Variants in TBX3 observed in about 807,000 individuals in gnomAD.
TBX3 encodes the protein T-box transcription factor TBX3.
A neutral mutation model predicts 47.8 loss-of-function variants in TBX3; 11 were observed. That is an observed-to-expected ratio of 0.23 (90% CI 0.14 to 0.38). The LOEUF (loss-of-function observed/expected upper bound fraction) is 0.38, where lower values mean the gene tolerates loss of function less well. Ranked by LOEUF, TBX3 falls within the 10% of genes least tolerant of loss-of-function variation. The pLI is 1.00. For synonymous variants in TBX3, 500 were observed against 449.3 expected, an observed-to-expected ratio of 1.11 and a Z score of -1.43; for missense variants, 927 against 1,022.8, an observed-to-expected ratio of 0.91 and a Z score of 1.28.
Position 114,674,434 on chromosome 12 carries a change from G to A in TBX3, c.1441C>T (p.Leu481Phe), listed in dbSNP as rs1405341560. 4 of 1,548,460 alleles carry A rather than the reference G, an allele frequency of 2.6e-6. No homozygotes were observed. The highest frequency in any genetic ancestry group is 2.0e-5 in the Admixed American group (1 of 50,946). Residue 481 changes from leucine (L) to phenylalanine (F), a missense_variant, in exon 6 of 7, where the codon CTC becomes TTC. This residue lies in a region of TBX3 where 623 missense variants were observed against 569.0 expected (regional missense o/e 1.09). Coordinates refer to ENST00000349155, the MANE Select transcript of TBX3 (RefSeq NM_005996.4). ...AHLAQGPLPGLGFAPGLAGQQ... is the reference protein window; with the variant it reads ...AHLAQGPLPGFGFAPGLAGQQ... Reference sequence around the variant, plus strand: ...CCCGCCAGGCCCGGGGCGAAGCCGAGGCCAGGCAGGGGGCCCTGGGCCAGG... The same window carrying A: ...CCCGCCAGGCCCGGGGCGAAGCCGAAGCCAGGCAGGGGGCCCTGGGCCAGG...
Position 114,674,204 on chromosome 12 carries a change from G to C in TBX3, c.1671C>G (p.Thr557=), listed in dbSNP as rs548288032. ...CGTGCTGCTGGAGGTGGAAGGGCAG[G>C]GTGGCCGCGGACGCCCCGGACAGTC... is the stretch of plus-strand genomic sequence containing the variant. ...AQGLSGASAA[T]LPFHLQQHVL... The change falls in exon 6 of 7, where the codon ACC becomes ACG. Residue 557 remains threonine (T), a synonymous_variant. Transcript: ENST00000349155. 30 of 1,582,136 alleles carry C rather than the reference G, an allele frequency of 1.9e-5. No individual in the cohort carries two copies. The African/African-American group carries it at 2.7e-4, about 14-fold the overall frequency.
rs1202684167 is a variant in TBX3, at chr12:114,671,577, G to T, written c.*264C>A. 4 of 565,588 alleles carry T rather than the reference G, an allele frequency of 7.1e-6. No homozygotes were observed. Among genetic ancestry groups the T allele is most frequent in the Non-Finnish European group, 9.5e-6 (3 of 316,316 alleles). The allele number at this position is 565,588 out of a possible 1,614,324, so 35.0% of individuals were successfully genotyped here. A position where few individuals can be genotyped will look rare whatever the true frequency, so the allele number is the denominator to read the frequency against. On this transcript the variant is annotated 3_prime_UTR_variant, in exon 7 of 7. Coordinates refer to ENST00000349155, the MANE Select transcript of TBX3 (RefSeq NM_005996.4). ...GCTGGAAGTTGCTCTGGACATAAAT[G>T]TTGGAACTCCTACCCCCAGTAGCTC...
In TBX3 at chr12:114,671,912, G is replaced by T; in HGVS notation, c.2101C>A (p.Leu701Met). The change falls in exon 7 of 7, where the codon CTG becomes ATG. Residue 701 changes from leucine (L) to methionine (M), a missense_variant. Physicochemically the swap from Leu to Met is conservative, Grantham distance 15 (BLOSUM62 2). This residue lies in a region of TBX3 where 623 missense variants were observed against 569.0 expected (regional missense o/e 1.09). Coordinates refer to ENST00000349155, the MANE Select transcript of TBX3 (RefSeq NM_005996.4). ...CAEKEAATSELQSIQRLVSGL... is the reference protein window; with the variant it reads ...CAEKEAATSEMQSIQRLVSGL... ...CTAACCAACCGCTGGATGCTCTGCA[G>T]TTCGCTGGTGGCCGCCTCTTTCTCC... 1 of 1,583,832 alleles carries T rather than the reference G, an allele frequency of 6.3e-7. No individual in the cohort carries two copies. The highest frequency in any genetic ancestry group is 1.2e-5 in the South Asian group (1 of 86,610).
rs1325116240 is a variant in TBX3, at chr12:114,683,455, CG to C, written c.-256del. ...CGAAAAATCAGCAAACATAGTCGCG[CG>C]GGTGACCGTCCTTGTGCCTTGCGTT... On this transcript the variant is annotated 5_prime_UTR_variant, in exon 1 of 7. Coordinates refer to ENST00000349155, the MANE Select transcript of TBX3 (RefSeq NM_005996.4). The surrounding 1 kb of genome is among the most constrained non-coding windows in gnomAD (Gnocchi z 7.7). The C allele has an allele frequency of 1.9e-6, 1 of 533,150 alleles. No individual in the cohort carries two copies. Among genetic ancestry groups the C allele is most frequent in the East Asian group, 3.1e-5 (1 of 32,182 alleles). 33.0% of individuals were successfully genotyped at this position (533,150 alleles called of 1,614,324 possible).
chr12:114,672,696 T>A (rs1868503761), intron 6 of TBX3, among the ~76,000 whole-genome samples: 1 of 152,084 alleles, frequency 6.6e-6, no homozygotes, highest in Non-Finnish European at 1.5e-5. Context: ...TCCTTGCACC[T>A]GTTAAATGGG....
chr12:114,674,474 G>T lies in TBX3; in HGVS notation c.1401C>A (p.Asp467Glu). The T allele has an allele frequency of 6.5e-7, 1 of 1,539,880 alleles. No individual in the cohort carries two copies. Among genetic ancestry groups the T allele is most frequent in the Non-Finnish European group, 8.7e-7 (1 of 1,143,114 alleles). The change falls in exon 6 of 7, where the codon GAC becomes GAA. Residue 467 changes from aspartate (D) to glutamate (E), a missense_variant. By Grantham distance (45) the Asp-to-Glu change is conservative. Around this residue, in one of 5 missense-constraint regions of TBX3, gnomAD observed 623 missense variants for 569.0 expected, o/e 1.09. Coordinates refer to ENST00000349155, the MANE Select transcript of TBX3 (RefSeq NM_005996.4). ...EAFAPLTVQT[D>E]AAAAHLAQGP... Reference sequence around the variant, plus strand: ...CCTGGGCCAGGTGCGCGGCGGCCGCGTCCGTCTGCACCGTGAGCGGCGCGA... The same window carrying T: ...CCTGGGCCAGGTGCGCGGCGGCCGCTTCCGTCTGCACCGTGAGCGGCGCGA...
chr12:114,683,079 A>G lies in TBX3; in HGVS notation c.122T>C (p.Phe41Ser), dbSNP rs1214536516. 6.2e-7 allele frequency: 1 copy of G among 1,611,074 alleles called. No homozygotes were observed. Among genetic ancestry groups the G allele is most frequent in the South Asian group, 1.1e-5 (1 of 91,018 alleles). ...SAVLGHQPPF[F>S]PALTLPPNGA... ...GTTGGGAGGCAGCGTCAGCGCGGGG[A>G]AGAACGGCGGCTGGTGACCCAGCAC... is the stretch of plus-strand genomic sequence containing the variant. Residue 41 changes from phenylalanine (F) to serine (S), a missense_variant, in exon 1 of 7, where the codon TTC becomes TCC. By Grantham distance (155) the Phe-to-Ser change is radical. Coordinates refer to ENST00000349155, the MANE Select transcript of TBX3 (RefSeq NM_005996.4). This position sits in a 1 kb window ranked among gnomAD's most constrained non-coding sequence, Gnocchi z 7.7.
rs1483780951 is a variant in TBX3, at chr12:114,672,135, C to T, written c.1878G>A (p.Pro626=). 3 of 1,571,892 alleles carry T rather than the reference C, an allele frequency of 1.9e-6. No homozygotes were observed. Among genetic ancestry groups the T allele is most frequent in the East Asian group, 2.3e-5 (1 of 42,558 alleles). Residue 626 remains proline, a synonymous_variant, in exon 7 of 7, where the codon CCG becomes CCA. Transcript: ENST00000349155. ...PRLRYSPYSI[P]VPVPDGSSLL... is the part of the protein sequence containing the mutation. ...GACTGCTGCCGTCCGGGACCGGCAC[C>T]GGGATGGAGTAGGGGCTGTAGCGCA...
rs369944278 is a variant in TBX3, at chr12:114,677,591, T to G, written c.870A>C (p.Arg290=). 60 of 1,614,040 alleles carry G rather than the reference T, an allele frequency of 3.7e-5. No homozygotes were observed. The highest frequency in any genetic ancestry group is 4.8e-5 in the Non-Finnish European group (57 of 1,180,016). The change falls in exon 4 of 7, where the codon CGA becomes CGC. Residue 290 remains arginine, a synonymous_variant. Coordinates refer to ENST00000349155, the MANE Select transcript of TBX3 (RefSeq NM_005996.4). ...AKGFRDTGNG[R]REKRKQLTLQ... is the part of the protein sequence containing the mutation. ...TTGTTTCAACTCACCTTTTTTCTCT[T>G]CGGCCATTTCCAGTGTCCCGGAAAC...
intron 4 of TBX3, among the ~76,000 whole-genome samples, chr12:114,676,950 T>C (rs1868736193): frequency 6.6e-6 from 1 of 152,212 alleles, no homozygotes; most frequent in African/African-American, 2.4e-5. Flanking sequence ...CACTTTACTG[T>C]AATCGTTTTA....
At chr12:114,679,038 CA>C (rs1868821483) in intron 3 of TBX3, among the ~76,000 whole-genome samples, 1 of 152,116 alleles carries the variant, frequency 6.6e-6, no homozygotes, top group Non-Finnish European at 1.5e-5. Flanking sequence ...TAATAAAAAC[CA>C]GACCAGCTAC....
chr12:114,683,249 G>C lies in TBX3; in HGVS notation c.-49C>G, dbSNP rs751207498. 6.3e-7 allele frequency: 1 copy of C among 1,598,428 alleles called. No homozygotes were observed. The highest frequency in any genetic ancestry group is 8.5e-7 in the Non-Finnish European group (1 of 1,170,476). ...TCCAGCCGGGGACAAGTCCGCAGCT[G>C]CTGTGTTTTGTTGTTTTTTTGTTGT... On this transcript the variant is annotated 5_prime_UTR_variant, in exon 1 of 7. Coordinates refer to ENST00000349155, the MANE Select transcript of TBX3 (RefSeq NM_005996.4). This position sits in a 1 kb window ranked among gnomAD's most constrained non-coding sequence, Gnocchi z 7.7.
intron 3 of TBX3, among the ~76,000 whole-genome samples, chr12:114,678,633 T>C (rs1017663852): frequency 3.3e-5 from 5 of 152,170 alleles, no homozygotes; most frequent in African/African-American, 1.2e-4. Context: ...GAGTTCAAAA[T>C]GAAGTGTGTT....
chr12:114,679,440 C>T (rs1305489851), intron 3 of TBX3, 65 bp downstream of exon 3: 2 of 1,608,496 alleles, frequency 1.2e-6, no homozygotes, highest in Non-Finnish European at 1.7e-6. Context: ...CTCATCCTGA[C>T]TTAAAGCAGC....
In TBX3 at chr12:114,674,148, G is replaced by C; in HGVS notation, c.1710+17C>G. The C allele has an allele frequency of 1.3e-6, 2 of 1,577,314 alleles. No individual in the cohort carries two copies. Among genetic ancestry groups the C allele is most frequent in the Non-Finnish European group, 1.7e-6 (2 of 1,163,134 alleles). On this transcript the variant is annotated intron_variant, in intron 6 of 6. Coordinates refer to ENST00000349155, the MANE Select transcript of TBX3 (RefSeq NM_005996.4). ...AAAGGTGGAAAGACTGGTGGAGGCA[G>C]GAAGAAGGATCCATACCTGAGAGGC...
rs766991967 is a variant in TBX3 at position 114,674,115 on chromosome 12, A to C, written c.1710+50T>G. ...GGGTCTGCTGGCAAAGGACAGGGAA[A>C]CTGGACGAAAGGTGGAAAGACTGGT... On this transcript the variant is annotated intron_variant, in intron 6 of 6. Coordinates refer to ENST00000349155, the MANE Select transcript of TBX3 (RefSeq NM_005996.4). The C allele has an allele frequency of 3.2e-6, 5 of 1,559,946 alleles. No homozygotes were observed. In the East Asian group the frequency reaches 1.2e-4, roughly 36 times the overall value.
chr12:114,683,101 G>A lies in TBX3; in HGVS notation c.100C>T (p.Leu34=), dbSNP rs148452301. The A allele has an allele frequency of 9.4e-5, 152 of 1,612,258 alleles. No homozygotes were observed. In the East Asian group the frequency reaches 3.3e-3, roughly 35 times the overall value. ...GGGAAGAACGGCGGCTGGTGACCCA[G>A]CACCGCGCTCATGGCGAAGTCCGGC... ...RAPDFAMSAV[L]GHQPPFFPAL... Residue 34 remains leucine, a synonymous_variant, in exon 1 of 7, where the codon CTG becomes TTG. Coordinates refer to ENST00000349155, the MANE Select transcript of TBX3 (RefSeq NM_005996.4). This position sits in a 1 kb window ranked among gnomAD's most constrained non-coding sequence, Gnocchi z 7.7.
intron 5 of TBX3, 94 bp from the exon 6 acceptor site, chr12:114,674,929 T>A: frequency 6.8e-7 from 1 of 1,480,794 alleles, no homozygotes; most frequent in Non-Finnish European, 9.1e-7. Context: ...TCCCAGCTCG[T>A]GGCTTAGTGG....
At chr12:114,680,065 C>A in intron 2 of TBX3, 1 of 1,314,286 alleles carries the variant, frequency 7.6e-7, no homozygotes, top group Non-Finnish European at 1.1e-6. Flanking sequence ...CACTTAAAGC[C>A]CTGAAAGGCT....
Sources: allele counts gnomAD v4.1 joint callset (sites outside exome capture counted in the v4.1 genomes callset), GRCh38; gene constraint gnomAD v4.1.1; regional missense constraint gnomAD v4.1.1; non-coding constraint Gnocchi (gnomAD v3.1); transcripts MANE v1.5; gene names NCBI Gene and HGNC (gene_info 2026-07-23, HGNC 2026-07-21).